Variants in KCNT2 observed in about 807,000 individuals in gnomAD.
KCNT2 encodes the protein potassium channel subfamily T member 2.
KCNT2 carries 67 observed loss-of-function variants against 153.8 expected under a neutral mutation model. That is an observed-to-expected ratio of 0.44 (90% CI 0.36 to 0.53). KCNT2 has a LOEUF of 0.53. Among genes scored for constraint, KCNT2 ranks in the 20% least tolerant of loss-of-function variants. The pLI, the probability that KCNT2 is intolerant of heterozygous loss-of-function variation, is 0.00. For missense variants in KCNT2, 975 were observed against 1,354.8 expected, an observed-to-expected ratio of 0.72 and a Z score of 4.40; for synonymous variants, 500 against 458.8, an observed-to-expected ratio of 1.09 and a Z score of -1.15.
In KCNT2 at chr1:196,258,184, A is replaced by C; in HGVS notation, c.3211+10T>G. ...GAGTCCATATATACAGTAGTTTTTA[A>C]AGAGCATACCATATCCCACTGTAGA... On this transcript the variant is annotated intron_variant, in intron 26 of 27. Coordinates refer to ENST00000294725, the MANE Select transcript of KCNT2 (RefSeq NM_198503.5). 2 of 1,612,100 alleles carry C rather than the reference A, an allele frequency of 1.2e-6. No individual in the cohort carries two copies. The highest frequency in any genetic ancestry group is 1.7e-6 in the Non-Finnish European group (2 of 1,179,188).
chr1:196,570,542 A>G (rs1223472985), intron 1 of KCNT2, among the ~76,000 whole-genome samples: 1 of 152,116 alleles, frequency 6.6e-6, no homozygotes, highest in African/African-American at 2.4e-5. Flanking sequence ...CTATGAGTAG[A>G]GAATCCTACT....
At chr1:196,262,547 T>C (rs1657125726) in intron 25 of KCNT2, among the ~76,000 whole-genome samples, 1 of 151,956 alleles carries the variant, frequency 6.6e-6, no homozygotes, top group African/African-American at 2.4e-5. Flanking sequence ...TAAGAATACT[T>C]GAGGGATCAT....
At chr1:196,378,593 TG>T in intron 13 of KCNT2, among the ~76,000 whole-genome samples, 1 of 151,402 alleles carries the variant, frequency 6.6e-6, no homozygotes. Flanking sequence ...AAATGAATAC[TG>T]GGGGAGAGAG....
chr1:196,385,225 C>T (rs1228120025), intron 13 of KCNT2, among the ~76,000 whole-genome samples: 2 of 152,148 alleles, frequency 1.3e-5, no homozygotes, highest in East Asian at 3.9e-4. Context: ...ATGATATTCA[C>T]ATCAGCAGAT....
chr1:196,409,926 G>T (rs10922064), intron 12 of KCNT2, among the ~76,000 whole-genome samples: 5,015 of 151,710 alleles, frequency 0.033, 118 homozygotes, highest in South Asian at 0.07. Flanking sequence ...AGTGCACAAG[G>T]TTTTGAATTT....
intron 1 of KCNT2, among the ~76,000 whole-genome samples, chr1:196,558,343 T>G (rs1009119631): frequency 1.3e-5 from 2 of 151,264 alleles, no homozygotes; most frequent in African/African-American, 2.4e-5. Context: ...TAAGGATATA[T>G]CTGACAATTT....
intron 12 of KCNT2, among the ~76,000 whole-genome samples, chr1:196,421,644 T>A (rs776203864): frequency 6.6e-6 from 1 of 152,026 alleles, no homozygotes; most frequent in African/African-American, 2.4e-5. Context: ...ATATATATAT[T>A]TCAAAAAATA....
At chr1:196,382,914 A>C (rs1428122388) in intron 13 of KCNT2, among the ~76,000 whole-genome samples, 4 of 152,070 alleles carry the variant, frequency 2.6e-5, no homozygotes, top group Admixed American at 2.6e-4. Context: ...TTTTTCCAGG[A>C]GTGCCAGTCA....
At chr1:196,519,432 A>G (rs4565650) in intron 1 of KCNT2, among the ~76,000 whole-genome samples, 67 of 152,292 alleles carry the variant, frequency 4.4e-4, no homozygotes, top group African/African-American at 1.6e-3. Context: ...AGAAGACAAG[A>G]AGTAATCAAA....
chr1:196,527,249 T>A (rs1214462261), intron 1 of KCNT2, among the ~76,000 whole-genome samples: 2 of 152,280 alleles, frequency 1.3e-5, no homozygotes, highest in Admixed American at 1.3e-4. Context: ...GCAAGTTATC[T>A]CTTTTATTCA....
chr1:196,352,274 G>T (rs1430410351), intron 14 of KCNT2, among the ~76,000 whole-genome samples: 2 of 152,176 alleles, frequency 1.3e-5, no homozygotes, highest in Admixed American at 1.3e-4. Flanking sequence ...AGTTTCAGAA[G>T]GAATGGTACC....
chr1:196,315,447 A>C (rs1265118525), intron 21 of KCNT2, among the ~76,000 whole-genome samples: 1 of 151,716 alleles, frequency 6.6e-6, no homozygotes, highest in Non-Finnish European at 1.5e-5. Flanking sequence ...ACAGGAAAAC[A>C]GTGAAAATGA....
Position 196,467,765 on chromosome 1 carries a change from T to G in KCNT2, c.481A>C (p.Asn161His). ...IISIFWPSLR[N>H]LFVPVFLNCW... ...TTCAGAAAGACTGGGACAAATAGATTCCTTAAGGAAGGCCAGAATATCTGG... is the reference window on the plus strand; with the variant it reads ...TTCAGAAAGACTGGGACAAATAGATGCCTTAAGGAAGGCCAGAATATCTGG... Residue 161 changes from asparagine to histidine, a missense_variant, in exon 7 of 28, where the codon AAT (asparagine) becomes CAT (histidine). Physicochemically the swap from Asn to His is moderately conservative, Grantham distance 68. Around this residue, in one of 6 missense-constraint regions of KCNT2, gnomAD observed 140 missense variants for 216.0 expected, o/e 0.65. Transcript: ENST00000294725. 1.2e-6 allele frequency: 2 copies of G among 1,604,190 alleles called. No individual in the cohort carries two copies. Among genetic ancestry groups the G allele is most frequent in the Non-Finnish European group, 1.7e-6 (2 of 1,173,412 alleles).
At chr1:196,500,461 T>C (rs1033045417) in intron 1 of KCNT2, among the ~76,000 whole-genome samples, 1 of 152,216 alleles carries the variant, frequency 6.6e-6, no homozygotes, top group African/African-American at 2.4e-5. Flanking sequence ...GTTGAGAATT[T>C]ATTGGTAGTA....
At chr1:196,321,056 T>C (rs531489658) in intron 19 of KCNT2, among the ~76,000 whole-genome samples, 2 of 151,740 alleles carry the variant, frequency 1.3e-5, no homozygotes, top group Admixed American at 1.3e-4. Context: ...GATCACAGCC[T>C]ATAAACAGTT....
chr1:196,382,453 G>A (rs1398984939), intron 13 of KCNT2, among the ~76,000 whole-genome samples: 1 of 151,884 alleles, frequency 6.6e-6, no homozygotes, highest in East Asian at 1.9e-4. Flanking sequence ...TTGTTTGAAA[G>A]GTGAAGAAAG....
chr1:196,435,600 T>C (rs925933703), intron 8 of KCNT2, among the ~76,000 whole-genome samples: 1 of 151,878 alleles, frequency 6.6e-6, no homozygotes, highest in Middle Eastern at 3.4e-3. Flanking sequence ...TGATTAACTT[T>C]GCTACCATGT....
chr1:196,449,681 A>G (rs867572056), intron 8 of KCNT2, among the ~76,000 whole-genome samples: 1 of 151,566 alleles, frequency 6.6e-6, no homozygotes, highest in African/African-American at 2.4e-5. Context: ...AATTTAGACA[A>G]TGTACTAATA....
At chr1:196,512,126 T>C (rs1681683650) in intron 1 of KCNT2, among the ~76,000 whole-genome samples, 1 of 152,172 alleles carries the variant, frequency 6.6e-6, no homozygotes. Flanking sequence ...TTAGGCACAG[T>C]TGATCATTTC....
Sources: gnomAD v4.1 joint callset for allele counts (sites outside exome capture counted in the v4.1 genomes callset) on GRCh38, gnomAD v4.1.1 for gene constraint, gnomAD v4.1.1 regional missense constraint, MANE v1.5 for transcripts, NCBI Gene and HGNC (gene_info 2026-07-23, HGNC 2026-07-21) for gene names.